Variants in CA6 observed in about 807,000 individuals in gnomAD.
CA6 encodes the protein carbonate dehydratase VI.
A neutral mutation model predicts 35.9 loss-of-function variants in CA6; 28 were observed. The ratio of observed to expected loss-of-function variants is 0.78; its 90% confidence interval spans 0.58 to 1.07. The LOEUF (loss-of-function observed/expected upper bound fraction) is 1.07, where lower values mean the gene tolerates loss of function less well. CA6 is among the 50% of genes least tolerant of loss of function. The pLI, the probability that CA6 is intolerant of heterozygous loss-of-function variation, is 0.00. For synonymous variants in CA6, 148 were observed against 152.6 expected (o/e 0.97, Z 0.22); for missense variants, 377 against 382.0 (o/e 0.99, Z 0.11).
Position 8,949,444 on chromosome 1 carries a change from T to G in CA6, c.259+2T>G, listed in dbSNP as rs1569655028. On this transcript the variant is annotated splice_donor_variant, in intron 2 of 7. Transcript: ENST00000377443. LOFTEE classifies it high-confidence loss of function. Reference sequence around the variant, plus strand: ...CCATGGTCAACAATGGCCACACAGGTAAGAGGAAGGGGTGGTGAGGGGCTC... The same window carrying G: ...CCATGGTCAACAATGGCCACACAGGGAAGAGGAAGGGGTGGTGAGGGGCTC... 5 of 1,608,948 alleles carry G rather than the reference T, an allele frequency of 3.1e-6. No individual in the cohort carries two copies. The highest frequency in any genetic ancestry group is 3.4e-6 in the Non-Finnish European group (4 of 1,177,470).
intron 3 of CA6, 102 bp downstream of exon 3, chr1:8,957,387 C>G (rs781413159): frequency 2.1e-4 from 252 of 1,192,836 alleles, no homozygotes; most frequent in Non-Finnish European, 2.7e-4. Context: ...GTTGCCCCGG[C>G]TGGAGTGCAG....
intron 2 of CA6, among the ~76,000 whole-genome samples, chr1:8,955,632 G>GACCCTTCCAC (rs1639657281): frequency 1.3e-5 from 2 of 148,814 alleles, no homozygotes; most frequent in African/African-American, 5.1e-5. Context: ...CTCCTTTTAA[G>GACCCTTCCAC]GCCCTTCCAC....
chr1:8,973,716 CTTTCTTTCTT>C (rs1640171176), intron 7 of CA6, among the ~76,000 whole-genome samples: 1 of 9,268 alleles, frequency 1.1e-4, no homozygotes, highest in South Asian at 7.5e-3. Flanking sequence ...CTCTCTCTTT[CTTTCTTTCTT>C]TCTTTCTTTC....
intron 2 of CA6, among the ~76,000 whole-genome samples, chr1:8,953,613 C>A (rs755790770): frequency 6.8e-6 from 1 of 147,340 alleles, no homozygotes; most frequent in Admixed American, 6.9e-5. Flanking sequence ...CAGAGCAAGA[C>A]CTTCTCTCAA....
In CA6 at chr1:8,949,462, A is replaced by G; in HGVS notation, c.259+20A>G. ...ACACAGGTAAGAGGAAGGGGTGGTG[A>G]GGGGCTCCAGTCCATGGGCAGCCTG... On this transcript the variant is annotated intron_variant, in intron 2 of 7. Coordinates refer to ENST00000377443, the MANE Select transcript of CA6 (RefSeq NM_001215.4). The G allele has an allele frequency of 1.9e-6, 3 of 1,602,894 alleles. No homozygotes were observed. Among genetic ancestry groups the G allele is most frequent in the Non-Finnish European group, 2.6e-6 (3 of 1,172,926 alleles).
At chr1:8,954,147 C>G (rs1639613078) in intron 2 of CA6, among the ~76,000 whole-genome samples, 1 of 151,252 alleles carries the variant, frequency 6.6e-6, no homozygotes, top group Non-Finnish European at 1.5e-5. Flanking sequence ...GCCTGTGGAG[C>G]AGCCATTCTT....
At chr1:8,973,756 C>G (rs1399709107) in intron 7 of CA6, among the ~76,000 whole-genome samples, 1 of 21,868 alleles carries the variant, frequency 4.6e-5, no homozygotes, top group East Asian at 0.019. Flanking sequence ...TTCTTTCTTT[C>G]TTTCTTTCTT....
intron 1 of CA6, 73 bp downstream of exon 1, chr1:8,946,038 TC>T: frequency 1.1e-6 from 1 of 905,244 alleles, no homozygotes; most frequent in African/African-American, 1.8e-5. Context: ...CCCTTCTTCT[TC>T]TTCTTTTTTT....
intron 5 of CA6, among the ~76,000 whole-genome samples, chr1:8,964,239 C>A (rs1258929960): frequency 3.3e-5 from 5 of 151,570 alleles, no homozygotes; most frequent in Non-Finnish European, 1.5e-5. Context: ...TCGTTGATTT[C>A]TCTCTCTCTC....
chr1:8,962,529 A>T, intron 4 of CA6, 58 bp from the exon 5 acceptor site: 1 of 1,363,592 alleles, frequency 7.3e-7, no homozygotes, highest in Non-Finnish European at 1.1e-6. Context: ...CTGGATTAGT[A>T]GCGATGGTGC....
At chr1:8,970,529 G>T (rs1229473057) in intron 6 of CA6, among the ~76,000 whole-genome samples, 1 of 151,440 alleles carries the variant, frequency 6.6e-6, no homozygotes, top group Non-Finnish European at 1.5e-5. Context: ...TTTTTTTTGA[G>T]ACAGAGTTTC....
intron 1 of CA6, among the ~76,000 whole-genome samples, 192 bp from the exon 2 acceptor site, chr1:8,949,071 A>G (rs1248538131): frequency 6.6e-6 from 1 of 151,988 alleles, no homozygotes; most frequent in Non-Finnish European, 1.5e-5. Context: ...AAAGCCCCCC[A>G]AACACCAGAG....
chr1:8,946,793 GT>G lies in CA6; in HGVS notation c.79+839del, dbSNP rs1171456212. Among the ~76,000 whole-genome samples, 384 of 124,978 alleles carry G rather than the reference GT, an allele frequency of 3.1e-3. 2 individuals are homozygous for G. Among genetic ancestry groups the G allele is most frequent in the African/African-American group, 1.0e-2 (324 of 32,464 alleles). 82.0% of individuals were successfully genotyped at this position (124,978 alleles called of 152,430 possible). A position where few individuals can be genotyped will look rare whatever the true frequency, so the allele number is the denominator to read the frequency against. ...TCTGTGGGCTGCCAAAATGAGAGGT[GT>G]TTTTTTTTTTGTTTTTTTTTTTTTT... On this transcript the variant is annotated intron_variant, in intron 1 of 7. Transcript: ENST00000377443.
At chr1:8,957,623 G>A (rs926909059) in intron 3 of CA6, among the ~76,000 whole-genome samples, 14 of 151,814 alleles carry the variant, frequency 9.2e-5, no homozygotes, top group Non-Finnish European at 1.2e-4. Flanking sequence ...TTATAGGCGT[G>A]AGCCACAGTG....
chr1:8,951,631 C>T (rs1037404784), intron 2 of CA6: 4 of 765,088 alleles, frequency 5.2e-6, no homozygotes, highest in Non-Finnish European at 9.6e-6. Flanking sequence ...AAGAGAAGAG[C>T]CCAGCTTCCC....
chr1:8,967,733 C>A lies in CA6; in HGVS notation c.646C>A (p.His216Asn). The A allele has an allele frequency of 1.2e-6, 2 of 1,614,076 alleles. No individual in the cohort carries two copies. The highest frequency in any genetic ancestry group is 1.7e-6 in the Non-Finnish European group (2 of 1,179,966). ...GAACCTCCAGCACTACTACACCTAC[C>A]ATGGCTCACTCACCACGCCTCCCTG... The part of the protein sequence containing the change: ...PRNLQHYYTY[H>N]GSLTTPPCTE... The change falls in exon 6 of 8, where the codon CAT becomes AAT. Residue 216 changes from histidine (H) to asparagine (N), a missense_variant. His to Asn is a moderately conservative substitution (Grantham distance 68). Coordinates refer to ENST00000377443, the MANE Select transcript of CA6 (RefSeq NM_001215.4).
chr1:8,957,335 C>G, intron 3 of CA6, 50 bp downstream of exon 3: 1 of 1,524,306 alleles, frequency 6.6e-7, no homozygotes. Context: ...CCCATAGTCA[C>G]TTTTCTTTTT....
At chr1:8,973,734 TTCTTTCTTTCTTTC>T (rs1316566752) in intron 7 of CA6, among the ~76,000 whole-genome samples, 1 of 19,038 alleles carries the variant, frequency 5.3e-5, no homozygotes, top group African/African-American at 3.8e-4. Flanking sequence ...CTTTCTTTCT[TTCTTTCTTTCTTTC>T]TTTCTTTCTT....
At chr1:8,970,039 A>T (rs185764179) in intron 6 of CA6, among the ~76,000 whole-genome samples, 37 of 152,032 alleles carry the variant, frequency 2.4e-4, no homozygotes, top group African/African-American at 8.0e-4. Flanking sequence ...CCCCATCTCT[A>T]CTAAAAATAT....
Sources: allele counts gnomAD v4.1 joint callset (sites outside exome capture counted in the v4.1 genomes callset), GRCh38; gene constraint gnomAD v4.1.1; transcripts MANE v1.5; gene names NCBI Gene and HGNC (gene_info 2026-07-23, HGNC 2026-07-21).